DCBLD2: variants seen among roughly 807,000 people sequenced by gnomAD.
DCBLD2 encodes discoidin, CUB and LCCL domain-containing protein 2.
A neutral mutation model predicts 86.8 loss-of-function variants in DCBLD2; 54 were observed. The observed-to-expected ratio is 0.62, with a 90% CI of 0.50 to 0.78. The LOEUF (loss-of-function observed/expected upper bound fraction) is 0.78. Among genes scored for constraint, DCBLD2 ranks in the 30% least tolerant of loss-of-function variants. The pLI is 0.00. For synonymous variants in DCBLD2, 354 were observed against 341.3 expected (o/e 1.04, Z -0.41); for missense variants, 908 against 954.2 (o/e 0.95, Z 0.64).
At chr3:98,884,315 A>G (rs954092495) in intron 1 of DCBLD2, among the ~76,000 whole-genome samples, 8 of 151,986 alleles carry the variant, frequency 5.3e-5, no homozygotes, top group African/African-American at 1.4e-4. Context: ...ACAAAAATAT[A>G]TAAGGGCAGA....
At chr3:98,885,579 T>G (rs1441110099) in intron 1 of DCBLD2, among the ~76,000 whole-genome samples, 4 of 152,006 alleles carry the variant, frequency 2.6e-5, no homozygotes, top group Admixed American at 2.6e-4. Context: ...AACATTGAAT[T>G]TGCAAATCAA....
intron 2 of DCBLD2, among the ~76,000 whole-genome samples, chr3:98,860,350 C>T (rs993140721): frequency 1.3e-5 from 2 of 152,128 alleles, no homozygotes. Flanking sequence ...CAGGCCAACA[C>T]TCAAATTCAG....
At chr3:98,892,888 G>A (rs889580312) in intron 1 of DCBLD2, among the ~76,000 whole-genome samples, 18 of 152,226 alleles carry the variant, frequency 1.2e-4, no homozygotes, top group Middle Eastern at 3.4e-3. Context: ...GATCTGAGAT[G>A]GTGGGGATCA....
At chr3:98,849,131 T>C (rs1942783908) in intron 3 of DCBLD2, among the ~76,000 whole-genome samples, 1 of 150,368 alleles carries the variant, frequency 6.7e-6, no homozygotes, top group Non-Finnish European at 1.5e-5. Flanking sequence ...ATCACACCAC[T>C]GCACTCCAGC....
At chr3:98,870,650 T>TATAGAA (rs1250551198) in intron 2 of DCBLD2, among the ~76,000 whole-genome samples, 3 of 83,960 alleles carry the variant, frequency 3.6e-5, no homozygotes, top group African/African-American at 1.5e-4. Flanking sequence ...GAAGAAGAGA[T>TATAGAA]AGAGAAAGAG....
At chr3:98,844,702 T>C (rs1223400270) in intron 3 of DCBLD2, among the ~76,000 whole-genome samples, 1 of 152,150 alleles carries the variant, frequency 6.6e-6, no homozygotes, top group Non-Finnish European at 1.5e-5. Context: ...CCAAGTTACC[T>C]GAGTCTGGAC....
rs763038958 is a variant in DCBLD2 at position 98,881,771 on chromosome 3, T to TA, written c.206-5dup. On this transcript the variant is annotated splice_polypyrimidine_tract_variant and splice_region_variant and intron_variant, in intron 1 of 15. Transcript: ENST00000326840. Reference sequence around the variant, plus strand: ...ACAGTGTGTCCACATCCATCACCTTTAAAAAAAGTGAAAAGAATGATAAAT... The same window carrying TA: ...ACAGTGTGTCCACATCCATCACCTTTAAAAAAAAGTGAAAAGAATGATAAAT... 7 of 1,580,102 alleles carry TA rather than the reference T, an allele frequency of 4.4e-6. No homozygotes were observed. Among genetic ancestry groups the TA allele is most frequent in the East Asian group, 4.5e-5 (2 of 44,270 alleles).
At chr3:98,895,388 C>T (rs1057231031) in intron 1 of DCBLD2, 7 of 152,250 alleles carry the variant, frequency 4.6e-5, no homozygotes, top group Admixed American at 3.9e-4. Context: ...AATAACTGGG[C>T]AGACACAGGG....
intron 3 of DCBLD2, among the ~76,000 whole-genome samples, chr3:98,838,600 C>T (rs1942534985): frequency 6.6e-6 from 1 of 150,460 alleles, no homozygotes; most frequent in Non-Finnish European, 1.5e-5. Flanking sequence ...ACATCCCAGA[C>T]GATGGGCGGC....
intron 1 of DCBLD2, among the ~76,000 whole-genome samples, chr3:98,891,962 T>G (rs1193288595): frequency 6.6e-6 from 1 of 152,192 alleles, no homozygotes. Context: ...CTATAAAATT[T>G]GGTTAGAAAG....
chr3:98,840,309 A>G (rs1050941315), intron 3 of DCBLD2, among the ~76,000 whole-genome samples: 1 of 152,228 alleles, frequency 6.6e-6, no homozygotes, highest in Non-Finnish European at 1.5e-5. Flanking sequence ...GCAGCTGAAT[A>G]TGAAGCTTGA....
chr3:98,853,409 C>A (rs1280982488), intron 2 of DCBLD2, among the ~76,000 whole-genome samples: 1 of 152,244 alleles, frequency 6.6e-6, no homozygotes, highest in Non-Finnish European at 1.5e-5. Flanking sequence ...GAAAGTCACA[C>A]TCCAGTTTGC....
intron 2 of DCBLD2, among the ~76,000 whole-genome samples, chr3:98,852,846 C>T (rs1263136935): frequency 6.6e-6 from 1 of 151,090 alleles, no homozygotes; most frequent in Non-Finnish European, 1.5e-5. Flanking sequence ...CTCAGTTTTA[C>T]AACTGCAATG....
intron 13 of DCBLD2, among the ~76,000 whole-genome samples, chr3:98,806,380 G>T (rs1941839346): frequency 6.6e-6 from 1 of 152,100 alleles, no homozygotes; most frequent in Non-Finnish European, 1.5e-5. Context: ...GCTGCTGCGG[G>T]CCTCATCACT....
At chr3:98,881,259 A>C (rs1559798323) in intron 2 of DCBLD2, among the ~76,000 whole-genome samples, 1 of 121,704 alleles carries the variant, frequency 8.2e-6, no homozygotes, top group African/African-American at 3.0e-5. Flanking sequence ...TGTCTCAAAA[A>C]AAAAAACAAA....
intron 2 of DCBLD2, among the ~76,000 whole-genome samples, chr3:98,863,891 A>G (rs1943092091): frequency 1.3e-5 from 2 of 152,218 alleles, no homozygotes; most frequent in Admixed American, 6.5e-5. Context: ...TCTGCACAGC[A>G]AAAGAAACTA....
At chr3:98,873,079 T>G (rs752572276) in intron 2 of DCBLD2, among the ~76,000 whole-genome samples, 1 of 152,150 alleles carries the variant, frequency 6.6e-6, no homozygotes, top group East Asian at 1.9e-4. Flanking sequence ...TGTGTGATAC[T>G]GGTGTCAAAC....
intron 13 of DCBLD2, among the ~76,000 whole-genome samples, chr3:98,803,821 G>C (rs1262254507): frequency 6.6e-6 from 1 of 152,120 alleles, no homozygotes; most frequent in Non-Finnish European, 1.5e-5. Flanking sequence ...GTTTGTCTTT[G>C]GTTCTGTTTA....
intron 1 of DCBLD2, among the ~76,000 whole-genome samples, chr3:98,890,137 T>G (rs2107529463): frequency 6.6e-6 from 1 of 152,186 alleles, no homozygotes; most frequent in East Asian, 1.9e-4. Context: ...CAAGTCCTAA[T>G]TTTTGGTACC....
Sources: allele counts gnomAD v4.1 joint callset (sites outside exome capture counted in the v4.1 genomes callset), GRCh38; gene constraint gnomAD v4.1.1; transcripts MANE v1.5; gene names NCBI Gene and HGNC (gene_info 2026-07-23, HGNC 2026-07-21).